The following HUNK variants were observed in gnomAD, a reference collection of about 807,000 sequenced individuals.
The protein encoded by HUNK is hormonally up-regulated Neu-associated kinase.
A neutral mutation model predicts 61.0 loss-of-function variants in HUNK; 21 were observed. That is an observed-to-expected ratio of 0.34 (90% confidence interval 0.24 to 0.50). The LOEUF (loss-of-function observed/expected upper bound fraction) is 0.50. Among genes scored for constraint, HUNK ranks in the 20% least tolerant of loss-of-function variants. HUNK has a pLI of 0.98. For missense variants in HUNK, 772 were observed against 945.7 expected, an observed-to-expected ratio of 0.82 and a Z score of 2.41; for synonymous variants, 371 against 386.1, an observed-to-expected ratio of 0.96 and a Z score of 0.46.
At chr21:31,932,505 A>G (rs2052705203) in intron 2 of HUNK, among the ~76,000 whole-genome samples, 1 of 152,136 alleles carries the variant, frequency 6.6e-6, no homozygotes, top group African/African-American at 2.4e-5. Context: ...ATGGTTAGTC[A>G]TGGCCTGTTT....
chr21:31,919,727 C>T (rs1010675), intron 1 of HUNK, among the ~76,000 whole-genome samples: 8,716 of 152,120 alleles, frequency 0.057, 838 homozygotes, highest in African/African-American at 0.2. Context: ...GTCTCATGGA[C>T]GTGCGGGAGC....
intron 7 of HUNK, among the ~76,000 whole-genome samples, chr21:31,982,053 G>A (rs1397511910): frequency 6.6e-6 from 1 of 152,124 alleles, no homozygotes; most frequent in Non-Finnish European, 1.5e-5. Flanking sequence ...TTCTTCCTGA[G>A]GGTGCCTTTG....
Position 32,001,585 on chromosome 21 carries a change from T to C in HUNK, c.*2401T>C, listed in dbSNP as rs2053246506. The C allele has an allele frequency of 6.6e-6, 1 of 152,574 alleles. No homozygotes were observed. Among genetic ancestry groups the C allele is most frequent in the African/African-American group, 2.4e-5 (1 of 41,400 alleles). 9.5% of individuals were successfully genotyped at this position (152,574 alleles called of 1,614,324 possible). On this transcript the variant is annotated 3_prime_UTR_variant, in exon 11 of 11. Transcript: ENST00000270112. ...CCGCGTTGCCATTGGCGACCTGGAC[T>C]CTGAACTCAGGTTTATTCTAAACCC...
At chr21:31,949,445 T>C (rs968132013) in intron 4 of HUNK, among the ~76,000 whole-genome samples, 2 of 152,200 alleles carry the variant, frequency 1.3e-5, no homozygotes, top group Admixed American at 1.3e-4. Context: ...CAAAGGTGTC[T>C]GGCACACTGT....
In HUNK at chr21:31,999,502, G is replaced by A. The variant is rs2053232037; in HGVS notation, c.*318G>A. The A allele has an allele frequency of 1.2e-5, 4 of 334,280 alleles. No individual in the cohort carries two copies. The Admixed American group carries it at 1.3e-4, about 11-fold the overall frequency. 20.7% of individuals were successfully genotyped at this position (334,280 alleles called of 1,614,324 possible). Reference sequence around the variant, plus strand: ...GGAAAACAGGGCATGAGCCTTCTGGGGCACTCAGATTATGGACTGTTACCA... The same window carrying A: ...GGAAAACAGGGCATGAGCCTTCTGGAGCACTCAGATTATGGACTGTTACCA... On this transcript the variant is annotated 3_prime_UTR_variant, in exon 11 of 11. Transcript: ENST00000270112.
At chr21:31,878,847 C>T (rs1210120382) in intron 1 of HUNK, among the ~76,000 whole-genome samples, 3 of 152,190 alleles carry the variant, frequency 2.0e-5, no homozygotes, top group African/African-American at 7.2e-5. Flanking sequence ...AACAGACAGT[C>T]CATGCCACTG....
Position 31,998,974 on chromosome 21 carries a change from T to C in HUNK, c.1935T>C (p.Asn645=). ...GLCCPPPVPS[N]GPMQPLGSPN... Reference sequence around the variant, plus strand: ...GTTGCCCACCTCCGGTTCCCAGCAATGGCCCCATGCAGCCTCTGGGGAGCC... The same window carrying C: ...GTTGCCCACCTCCGGTTCCCAGCAACGGCCCCATGCAGCCTCTGGGGAGCC... The change falls in exon 11 of 11, where the codon AAT becomes AAC. Residue 645 remains asparagine, a synonymous_variant. Coordinates refer to ENST00000270112, the MANE Select transcript of HUNK (RefSeq NM_014586.2). 6.2e-7 allele frequency: 1 copy of C among 1,614,184 alleles called. No individual in the cohort carries two copies. The highest frequency in any genetic ancestry group is 8.5e-7 in the Non-Finnish European group (1 of 1,180,032).
chr21:31,909,215 G>A (rs1046788054), intron 1 of HUNK, among the ~76,000 whole-genome samples: 18 of 152,268 alleles, frequency 1.2e-4, no homozygotes, highest in East Asian at 3.9e-4. Flanking sequence ...AAGCCCCACC[G>A]TTGTCTGTAC....
chr21:31,917,727 C>T (rs1011791797), intron 1 of HUNK, among the ~76,000 whole-genome samples: 34 of 149,808 alleles, frequency 2.3e-4, no homozygotes, highest in Non-Finnish European at 3.7e-4. Context: ...CACACACACA[C>T]ACACACACAC....
intron 1 of HUNK, among the ~76,000 whole-genome samples, chr21:31,909,856 A>G (rs2052533965): frequency 6.6e-6 from 1 of 152,232 alleles, no homozygotes; most frequent in South Asian, 2.1e-4. Flanking sequence ...AGATGGCGTG[A>G]AACCAATTTA....
At position 31,996,151 on chromosome 21, in the gene HUNK, T is replaced by C. The variant is rs147107512; in HGVS notation, c.1486+203T>C. 1.7e-3 allele frequency among the ~76,000 whole-genome samples: 254 copies of C among 152,268 alleles called. 1 individual carries two copies. The highest frequency in any genetic ancestry group is 6.8e-3 in the Middle Eastern group (2 of 294). On this transcript the variant is annotated intron_variant, in intron 10 of 10. Transcript: ENST00000270112. ...CATTAGCCATCTGTGCAGGAAGAAT[T>C]TGAGAAAACAGAGATGGGGTGCAAA...
In HUNK at chr21:31,998,627, A is replaced by G; in HGVS notation, c.1588A>G (p.Arg530Gly). 1 of 1,614,026 alleles carries G rather than the reference A, an allele frequency of 6.2e-7. No individual in the cohort carries two copies. The highest frequency in any genetic ancestry group is 8.5e-7 in the Non-Finnish European group (1 of 1,180,008). The change falls in exon 11 of 11, where the codon AGG becomes GGG. Residue 530 changes from arginine to glycine, a missense_variant. Arg to Gly is a moderately radical substitution (Grantham distance 125, BLOSUM62 -2). Around this residue, in one of 2 missense-constraint regions of HUNK, gnomAD observed 413 missense variants for 444.4 expected, o/e 0.93. Coordinates refer to ENST00000270112, the MANE Select transcript of HUNK (RefSeq NM_014586.2). ...FIPVPPPRTP[R>G]IVKKPEPHQP... ...CCCCGTGCCACCGCCCAGGACCCCG[A>G]GGATTGTGAAGAAACCGGAGCCCCA...
chr21:31,904,723 C>T (rs1430018595), intron 1 of HUNK, among the ~76,000 whole-genome samples: 1 of 152,018 alleles, frequency 6.6e-6, no homozygotes, highest in East Asian at 1.9e-4. Context: ...GAATTGTGTC[C>T]CACCCCCAAA....
intron 4 of HUNK, among the ~76,000 whole-genome samples, chr21:31,949,642 C>T (rs2052835494): frequency 6.6e-6 from 1 of 152,122 alleles, no homozygotes; most frequent in Admixed American, 6.5e-5. Flanking sequence ...ACCAAGAGGT[C>T]CCCTGTCTTA....
intron 1 of HUNK, among the ~76,000 whole-genome samples, chr21:31,877,037 A>G (rs1049831714): frequency 1.3e-5 from 2 of 152,182 alleles, no homozygotes; most frequent in Non-Finnish European, 2.9e-5. Flanking sequence ...ACGTGGAGCG[A>G]AAGGATTCAG....
chr21:31,876,478 G>A (rs992509330), intron 1 of HUNK, among the ~76,000 whole-genome samples: 10 of 152,202 alleles, frequency 6.6e-5, no homozygotes, highest in Admixed American at 5.2e-4. Context: ...GGTTGTGTGT[G>A]TATGCTTGAC....
intron 6 of HUNK, 104 bp downstream of exon 6, chr21:31,968,489 G>T (rs886876492): frequency 2.2e-6 from 3 of 1,381,548 alleles, no homozygotes; most frequent in Non-Finnish European, 2.0e-6. Flanking sequence ...AGGAAAAGCC[G>T]CGCTCTCTCT....
chr21:31,958,634 T>C (rs1184134555), intron 4 of HUNK, among the ~76,000 whole-genome samples: 3 of 151,946 alleles, frequency 2.0e-5, no homozygotes, highest in Non-Finnish European at 4.4e-5. Flanking sequence ...CCTCCCAAAG[T>C]GCTGGGATTA....
At chr21:31,975,268 G>C (rs956574189) in intron 7 of HUNK, among the ~76,000 whole-genome samples, 6 of 152,156 alleles carry the variant, frequency 3.9e-5, no homozygotes, top group Non-Finnish European at 5.9e-5. Flanking sequence ...GTACCTTTGG[G>C]GTTTCCACAG....
Sources: allele counts gnomAD v4.1 joint callset (sites outside exome capture counted in the v4.1 genomes callset), GRCh38; gene constraint gnomAD v4.1.1; regional missense constraint gnomAD v4.1.1; transcripts MANE v1.5; gene names NCBI Gene and HGNC (gene_info 2026-07-23, HGNC 2026-07-21).